Variants in FHIT observed in about 807,000 individuals in gnomAD.
FHIT encodes fragile histidine triad diadenosine triphosphatase.
In FHIT, 19 loss-of-function variants were observed where a neutral mutation model predicts 17.9. That is an observed-to-expected ratio of 1.06 (90% CI 0.74 to 1.56). The LOEUF (loss-of-function observed/expected upper bound fraction) is 1.56, where lower values mean the gene tolerates loss of function less well. Among genes scored for constraint, FHIT ranks in the 40% most tolerant of loss-of-function variants. The pLI, the probability that FHIT is intolerant of heterozygous loss-of-function variation, is 0.00. For synonymous variants in FHIT, 81 were observed against 69.7 expected (o/e 1.16, Z -0.81); for missense variants, 248 against 189.2 (o/e 1.31, Z -1.82).
chr3:61,072,852 C>T (rs1332146676), intron 2 of FHIT, among the ~76,000 whole-genome samples: 1 of 152,074 alleles, frequency 6.6e-6, no homozygotes, highest in Admixed American at 6.5e-5. Context: ...CTTCCAAATA[C>T]ATATTTAGTA....
chr3:60,264,825 G>A (rs993567227), intron 5 of FHIT, among the ~76,000 whole-genome samples: 10 of 151,408 alleles, frequency 6.6e-5, no homozygotes, highest in African/African-American at 1.7e-4. Context: ...GATGAAATGC[G>A]ACTTTCACCT....
At chr3:60,872,375 G>T (rs539751916) in intron 3 of FHIT, among the ~76,000 whole-genome samples, 1 of 152,188 alleles carries the variant, frequency 6.6e-6, no homozygotes, top group Non-Finnish European at 1.5e-5. Flanking sequence ...CAATAAATAC[G>T]TACTTTCTGT....
chr3:60,017,581 T>C (rs1010386672), intron 5 of FHIT, among the ~76,000 whole-genome samples: 3 of 152,232 alleles, frequency 2.0e-5, no homozygotes, highest in Non-Finnish European at 4.4e-5. Context: ...ATTATGGACC[T>C]TCTCACAACA....
chr3:60,921,237 G>A (rs995586572), intron 3 of FHIT, among the ~76,000 whole-genome samples: 2 of 152,174 alleles, frequency 1.3e-5, no homozygotes, highest in African/African-American at 2.4e-5. Context: ...TGCATGGGCC[G>A]TATTGAACCA....
At chr3:60,460,182 T>TG (rs1227293730) in intron 5 of FHIT, among the ~76,000 whole-genome samples, 1 of 152,198 alleles carries the variant, frequency 6.6e-6, no homozygotes, top group Non-Finnish European at 1.5e-5. Flanking sequence ...TTTCCTCACT[T>TG]ACCTTTCGGG....
intron 5 of FHIT, among the ~76,000 whole-genome samples, chr3:60,017,016 A>G (rs1447904440): frequency 6.6e-6 from 1 of 152,182 alleles, no homozygotes; most frequent in Admixed American, 6.5e-5. Context: ...ACTCAAAATG[A>G]GATTAAAACT....
chr3:60,394,701 A>C (rs1441131751), intron 5 of FHIT, among the ~76,000 whole-genome samples: 4 of 152,180 alleles, frequency 2.6e-5, no homozygotes, highest in Non-Finnish European at 5.9e-5. Context: ...GAATTAAGTG[A>C]GTTGATACAT....
In FHIT at chr3:60,851,926, T is replaced by G. The variant is rs543216454; in HGVS notation, c.-110-29915A>C. On this transcript the variant is annotated intron_variant, in intron 3 of 9. Transcript: ENST00000492590. Reference sequence around the variant, plus strand: ...AAAAGAAAAAAAGCAAAGTCCACATTTCTATAAGTGTCACGATGATAAATT... The same window carrying G: ...AAAAGAAAAAAAGCAAAGTCCACATGTCTATAAGTGTCACGATGATAAATT... 4.0e-4 allele frequency among the ~76,000 whole-genome samples: 61 copies of G among 152,230 alleles called. 1 individual carries two copies. In the South Asian group the frequency reaches 0.011, roughly 28 times the overall value.
chr3:60,373,868 A>G (rs182874654), intron 5 of FHIT, among the ~76,000 whole-genome samples: 3 of 152,352 alleles, frequency 2.0e-5, no homozygotes, highest in African/African-American at 4.8e-5. Flanking sequence ...AAAGACTGGT[A>G]GCAGAAAAGC....
chr3:60,048,580 A>G (rs991310410), intron 5 of FHIT, among the ~76,000 whole-genome samples: 2 of 152,224 alleles, frequency 1.3e-5, no homozygotes, highest in Admixed American at 6.5e-5. Context: ...AACGCACCCC[A>G]TAACAGCAGG....
intron 2 of FHIT, among the ~76,000 whole-genome samples, chr3:61,125,737 G>A (rs2036587902): frequency 6.6e-6 from 1 of 152,212 alleles, no homozygotes; most frequent in African/African-American, 2.4e-5. Context: ...CAGAGTCTAA[G>A]TGGGACAATG....
At chr3:61,162,547 A>C (rs2037727206) in intron 2 of FHIT, among the ~76,000 whole-genome samples, 1 of 152,194 alleles carries the variant, frequency 6.6e-6, no homozygotes, top group African/African-American at 2.4e-5. Context: ...TTAAAACCAA[A>C]TCCAACTAGC....
chr3:60,440,091 C>G (rs1031805041), intron 5 of FHIT, among the ~76,000 whole-genome samples: 1 of 152,106 alleles, frequency 6.6e-6, no homozygotes, highest in Non-Finnish European at 1.5e-5. Flanking sequence ...ATATGCACAA[C>G]AGAGGTAGGC....
chr3:60,440,895 T>C (rs918755915), intron 5 of FHIT, among the ~76,000 whole-genome samples: 8 of 152,124 alleles, frequency 5.3e-5, no homozygotes, highest in Non-Finnish European at 1.0e-4. Flanking sequence ...ACTTAGAATT[T>C]AAGATGCTTT....
intron 3 of FHIT, among the ~76,000 whole-genome samples, chr3:60,835,711 G>A (rs1299192784): frequency 1.3e-5 from 2 of 152,090 alleles, no homozygotes; most frequent in Non-Finnish European, 2.9e-5. Flanking sequence ...TCAACCTCCT[G>A]AGCTCCAGCC....
At chr3:60,987,108 G>A (rs931530309) in intron 3 of FHIT, among the ~76,000 whole-genome samples, 2 of 152,052 alleles carry the variant, frequency 1.3e-5, no homozygotes, top group African/African-American at 4.8e-5. Context: ...GTTGAAGTGG[G>A]GTCTAACATC....
intron 5 of FHIT, among the ~76,000 whole-genome samples, chr3:60,206,175 A>G (rs1382424859): frequency 1.3e-5 from 2 of 149,248 alleles, no homozygotes; most frequent in Non-Finnish European, 3.0e-5. Context: ...AATAATAATT[A>G]TAACACTTAA....
chr3:60,668,268 T>G (rs953312378), intron 4 of FHIT, among the ~76,000 whole-genome samples: 8 of 150,760 alleles, frequency 5.3e-5, no homozygotes, highest in Non-Finnish European at 1.5e-5. Context: ...GAGAGCAGAG[T>G]CCTTCCTCTG....
chr3:60,792,533 G>A (rs1254303005), intron 4 of FHIT, among the ~76,000 whole-genome samples: 1 of 152,186 alleles, frequency 6.6e-6, no homozygotes, highest in African/African-American at 2.4e-5. Flanking sequence ...TTAAACATTT[G>A]CAACATAGCC....
Sources: allele counts gnomAD v4.1 joint callset (sites outside exome capture counted in the v4.1 genomes callset), GRCh38; gene constraint gnomAD v4.1.1; transcripts MANE v1.5; gene names NCBI Gene and HGNC (gene_info 2026-07-23, HGNC 2026-07-21).